Variants in SLC2A12 observed in about 807,000 individuals in gnomAD.
SLC2A12 encodes solute carrier family 2 member 12.
Under a neutral mutation model 41.8 loss-of-function variants are expected in SLC2A12, and 23 were observed. The ratio of observed to expected loss-of-function variants is 0.55; its 90% CI spans 0.40 to 0.78. The LOEUF (loss-of-function observed/expected upper bound fraction) is 0.78, where lower values mean the gene tolerates loss of function less well. Among genes scored for constraint, SLC2A12 ranks in the 30% least tolerant of loss-of-function variants. The probability of loss-of-function intolerance (pLI) is 0.00; values close to 1 mark genes in which losing one functional copy is unlikely to be tolerated. For missense variants in SLC2A12, 654 were observed against 745.6 expected (o/e 0.88, Z 1.43); for synonymous variants, 295 against 285.9 (o/e 1.03, Z -0.32).
intron 2 of SLC2A12, among the ~76,000 whole-genome samples, chr6:134,025,851 G>A (rs1777106066): frequency 6.6e-6 from 1 of 152,176 alleles, no homozygotes; most frequent in Non-Finnish European, 1.5e-5. Flanking sequence ...CCAGCCTCCA[G>A]TAATTTTTTC....
intron 2 of SLC2A12, among the ~76,000 whole-genome samples, chr6:134,011,334 G>A (rs1039313194): frequency 1.3e-5 from 2 of 152,010 alleles, no homozygotes; most frequent in African/African-American, 4.8e-5. Flanking sequence ...TTAAAAATAA[G>A]TATACGACCA....
chr6:134,002,502 T>C (rs1776765767), intron 3 of SLC2A12, among the ~76,000 whole-genome samples: 1 of 152,170 alleles, frequency 6.6e-6, no homozygotes, highest in Admixed American at 6.5e-5. Context: ...AAAATCTCTC[T>C]TCTCCCTCTC....
chr6:134,028,263 A>G (rs768307986), intron 2 of SLC2A12, 118 bp downstream of exon 2: 12 of 1,322,726 alleles, frequency 9.1e-6, no homozygotes, highest in Non-Finnish European at 1.2e-5. Flanking sequence ...CATTAGAAGG[A>G]ACATCAGATG....
At chr6:134,007,076 C>G in intron 2 of SLC2A12, 142 bp from the exon 3 acceptor site, 1 of 1,213,796 alleles carries the variant, frequency 8.2e-7, no homozygotes, top group Admixed American at 2.4e-5. Flanking sequence ...CTCAGCAGAA[C>G]AGGACAGTAA....
chr6:134,005,418 G>T (rs1240776617), intron 3 of SLC2A12, among the ~76,000 whole-genome samples: 1 of 151,958 alleles, frequency 6.6e-6, no homozygotes, highest in African/African-American at 2.4e-5. Flanking sequence ...CAGCACTTCG[G>T]GAGGCTGAGG....
chr6:134,006,490 T>A (rs1435123333), intron 3 of SLC2A12, among the ~76,000 whole-genome samples: 1 of 152,152 alleles, frequency 6.6e-6, no homozygotes, highest in Non-Finnish European at 1.5e-5. Flanking sequence ...TACTATGGGA[T>A]GATTATATTT....
intron 2 of SLC2A12, among the ~76,000 whole-genome samples, chr6:134,016,426 C>T (rs1052055748): frequency 6.6e-6 from 1 of 151,954 alleles, no homozygotes; most frequent in African/African-American, 2.4e-5. Context: ...CAGGTGTCAT[C>T]TGGCCCCCTT....
chr6:134,032,447 TAA>T lies in SLC2A12; in HGVS notation c.104-2728_104-2727del, dbSNP rs1554208410. On this transcript the variant is annotated intron_variant, in intron 1 of 4. Coordinates refer to ENST00000275230, the MANE Select transcript of SLC2A12 (RefSeq NM_145176.3). Reference sequence around the variant, plus strand: ...ATATTTATATATATATATATATATATAAATATATATATATATATTTTTATATA... The same window carrying T: ...ATATTTATATATATATATATATATATATATATATATATATATTTTTATATA... Among the ~76,000 whole-genome samples, 252 of 33,362 alleles carry T rather than the reference TAA, an allele frequency of 7.6e-3. 5 individuals are homozygous for T. The highest frequency in any genetic ancestry group is 0.022 in the African/African-American group (177 of 7,924). 21.9% of individuals were successfully genotyped at this position (33,362 alleles called of 152,430 possible).
rs1276142397 is a variant in SLC2A12, at chr6:134,033,647, G to GCAC, written c.104-3927_104-3926insGTG. On this transcript the variant is annotated intron_variant, in intron 1 of 4. Coordinates refer to ENST00000275230, the MANE Select transcript of SLC2A12 (RefSeq NM_145176.3). ...TGTGGTGTGACAGAGGGCACCTGGG[G>GCAC]CTGCGGAGTTAAGGATGCAGGGGAA... is the stretch of plus-strand genomic sequence containing the variant. 2.0e-5 allele frequency among the ~76,000 whole-genome samples: 3 copies of GCAC among 152,284 alleles called. No individual in the cohort carries two copies. The East Asian group carries it at 5.8e-4, about 29-fold the overall frequency.
Position 134,044,753 on chromosome 6 carries a change from A to ATTTTT in SLC2A12, c.103+7620_103+7624dup, listed in dbSNP as rs34896875. Among the ~76,000 whole-genome samples the ATTTTT allele has an allele frequency of 1.8e-3, 266 of 147,354 alleles. 1 individual carries two copies. Among genetic ancestry groups the ATTTTT allele is most frequent in the Middle Eastern group, 7.2e-3 (2 of 278 alleles). On this transcript the variant is annotated intron_variant, in intron 1 of 4. Coordinates refer to ENST00000275230, the MANE Select transcript of SLC2A12 (RefSeq NM_145176.3). ...AAAAAAAGAATAATGTCTTAGATACATTTTTTTTTAACCCTGAAGCATCCA... is the reference window on the plus strand; with the variant it reads ...AAAAAAAGAATAATGTCTTAGATACATTTTTTTTTTTTTTAACCCTGAAGCATCCA...
intron 2 of SLC2A12, among the ~76,000 whole-genome samples, chr6:134,020,955 A>G (rs1182026708): frequency 6.6e-6 from 1 of 152,232 alleles, no homozygotes; most frequent in African/African-American, 2.4e-5. Context: ...CATCCAGAAC[A>G]ACTTTTAGAT....
At chr6:133,991,367 G>T in intron 4 of SLC2A12, 59 bp from the exon 5 acceptor site, 1 of 1,562,808 alleles carries the variant, frequency 6.4e-7, no homozygotes, top group Non-Finnish European at 8.7e-7. Context: ...AAAAAAATGT[G>T]TAGGCTATTA....
intron 1 of SLC2A12, among the ~76,000 whole-genome samples, chr6:134,035,428 T>C (rs965097404): frequency 6.6e-6 from 1 of 151,164 alleles, no homozygotes; most frequent in African/African-American, 2.5e-5. Context: ...TGCCACACAG[T>C]GAGGCCCAAA....
intron 4 of SLC2A12, among the ~76,000 whole-genome samples, chr6:134,001,635 T>C (rs1263682733): frequency 6.6e-6 from 1 of 152,122 alleles, no homozygotes; most frequent in Admixed American, 6.5e-5. Context: ...TTGATGATAA[T>C]TATAAAAGGC....
chr6:133,999,717 A>C (rs1414148491), intron 4 of SLC2A12, among the ~76,000 whole-genome samples: 2 of 152,212 alleles, frequency 1.3e-5, no homozygotes, highest in African/African-American at 4.8e-5. Context: ...GAGACATGTG[A>C]GTGAGCCCAG....
chr6:133,989,141 A>G lies in SLC2A12; in HGVS notation c.*2014T>C, dbSNP rs1776582807. ...TTCGCTAACCTTAACAAAGATGGGAAGAAGTGAGTGCTCTGATGTCTTCTG... is the reference window on the plus strand; with the variant it reads ...TTCGCTAACCTTAACAAAGATGGGAGGAAGTGAGTGCTCTGATGTCTTCTG... On this transcript the variant is annotated 3_prime_UTR_variant, in exon 5 of 5. Transcript: ENST00000275230. 6.6e-6 allele frequency: 1 copy of G among 152,202 alleles called. No homozygotes were observed. 9.4% of individuals were successfully genotyped at this position (152,202 alleles called of 1,614,324 possible).
intron 4 of SLC2A12, among the ~76,000 whole-genome samples, chr6:133,992,289 G>C (rs942187196): frequency 2.0e-5 from 3 of 152,170 alleles, no homozygotes; most frequent in African/African-American, 7.2e-5. Context: ...CATAGATGTA[G>C]GTAGGTTAGA....
chr6:134,018,742 T>A (rs2114455809), intron 2 of SLC2A12, among the ~76,000 whole-genome samples: 1 of 146,046 alleles, frequency 6.8e-6, no homozygotes, highest in South Asian at 2.2e-4. Context: ...AACTGTATCA[T>A]AGGTGTGTTC....
At chr6:134,032,300 A>G (rs1777218891) in intron 1 of SLC2A12, among the ~76,000 whole-genome samples, 2 of 151,406 alleles carry the variant, frequency 1.3e-5, no homozygotes, top group South Asian at 4.2e-4. Context: ...AGCATTTTGA[A>G]CAAAACCCAG....
Sources: allele counts gnomAD v4.1 joint callset (sites outside exome capture counted in the v4.1 genomes callset), GRCh38; gene constraint gnomAD v4.1.1; transcripts MANE v1.5; gene names NCBI Gene and HGNC (gene_info 2026-07-23, HGNC 2026-07-21).